The following DAB1 variants were observed in gnomAD, a reference collection of about 807,000 sequenced individuals.
The protein encoded by DAB1 is DAB adaptor protein 1.
In DAB1, 15 loss-of-function variants were observed where a neutral mutation model predicts 64.6. The ratio of observed to expected loss-of-function variants is 0.23; its 90% CI spans 0.16 to 0.36. The LOEUF (loss-of-function observed/expected upper bound fraction) is 0.36, where lower values mean the gene tolerates loss of function less well. Ranked by LOEUF, DAB1 falls within the 10% of genes least tolerant of loss-of-function variation. The pLI is 1.00. For synonymous variants in DAB1, 235 were observed against 251.9 expected, an observed-to-expected ratio of 0.93 and a Z score of 0.64; for missense variants, 596 against 706.7, an observed-to-expected ratio of 0.84 and a Z score of 1.78.
intron 1 of DAB1, among the ~76,000 whole-genome samples, chr1:57,386,386 A>AAGAAAG (rs548332875): frequency 6.9e-6 from 1 of 144,258 alleles, no homozygotes; most frequent in African/African-American, 2.6e-5. Flanking sequence ...AAAAAAAAAA[A>AAGAAAG]ACCCGTCTTT....
At chr1:58,148,727 G>A (rs1156919441) in intron 5 of DAB1, among the ~76,000 whole-genome samples, 2 of 151,908 alleles carry the variant, frequency 1.3e-5, no homozygotes, top group Non-Finnish European at 1.5e-5. Context: ...TAAAACCATC[G>A]GATCTCTCGA....
rs1219244295 is a variant in DAB1 at position 58,387,078 on chromosome 1, C to G, written n.258-43675G>C. 4.6e-5 allele frequency among the ~76,000 whole-genome samples: 7 copies of G among 151,882 alleles called. No individual in the cohort carries two copies. The South Asian group carries it at 1.5e-3, about 32-fold the overall frequency. On this transcript the variant is annotated intron_variant and non_coding_transcript_variant, in intron 3 of 20. Transcript: ENST00000485760. Reference sequence around the variant, plus strand: ...TCCATCTCAAAAAACAAAAACAAAACAAAAAAACAAACAAACAAAAAAAGT... The same window carrying G: ...TCCATCTCAAAAAACAAAAACAAAAGAAAAAAACAAACAAACAAAAAAAGT...
At chr1:57,951,106 T>C (rs1312020827) in intron 5 of DAB1, among the ~76,000 whole-genome samples, 1 of 151,926 alleles carries the variant, frequency 6.6e-6, no homozygotes, top group Non-Finnish European at 1.5e-5. Context: ...TAACACATAA[T>C]TTATTAGACC....
chr1:57,803,266 G>C (rs1430012551), intron 6 of DAB1, among the ~76,000 whole-genome samples: 1 of 152,222 alleles, frequency 6.6e-6, no homozygotes, highest in Non-Finnish European at 1.5e-5. Context: ...AAGGAAAGTT[G>C]CCATAACCTA....
At chr1:57,426,876 T>TATATATATATATATATATA (rs1383757354), upstream of DAB1, among the ~76,000 whole-genome samples, 2,278 of 134,502 alleles carry the variant, frequency 0.017, 67 homozygotes, top group Non-Finnish European at 0.026. Context: ...ATATATATAT[T>TATATATATATATATATATA]TTTTTGAGAC....
intron 7 of DAB1, among the ~76,000 whole-genome samples, chr1:57,434,168 A>G (rs1685609682): frequency 6.6e-6 from 1 of 152,204 alleles, no homozygotes; most frequent in Non-Finnish European, 1.5e-5. Context: ...TAAAACATAT[A>G]TACACACATA....
intron 3 of DAB1, among the ~76,000 whole-genome samples, chr1:58,491,806 A>T (rs1462020696): frequency 6.6e-6 from 1 of 152,224 alleles, no homozygotes; most frequent in Non-Finnish European, 1.5e-5. Context: ...ACTCCCACAC[A>T]ATAATAATGG....
chr1:57,546,101 G>GCA (rs1299996134), intron 7 of DAB1, among the ~76,000 whole-genome samples: 26 of 151,372 alleles, frequency 1.7e-4, no homozygotes, highest in African/African-American at 5.8e-4. Context: ...GTGTGTGTGC[G>GCA]CGCACGTGTG....
chr1:57,760,827 A>G (rs1649053173), intron 6 of DAB1, among the ~76,000 whole-genome samples: 1 of 152,168 alleles, frequency 6.6e-6, no homozygotes. Context: ...ACAGGAAAGC[A>G]AGCCCAATTC....
chr1:58,384,663 C>A (rs1372603007), intron 3 of DAB1, among the ~76,000 whole-genome samples: 1 of 152,088 alleles, frequency 6.6e-6, no homozygotes, highest in Non-Finnish European at 1.5e-5. Context: ...AGTCCAAGTC[C>A]CAAAACCTCA....
At chr1:57,598,281 C>G (rs897691169) in intron 7 of DAB1, among the ~76,000 whole-genome samples, 4 of 152,260 alleles carry the variant, frequency 2.6e-5, no homozygotes, top group Non-Finnish European at 4.4e-5. Context: ...GGCGCCCAGC[C>G]GGTATCCACA....
At chr1:57,537,979 C>T (rs1644750552) in intron 7 of DAB1, among the ~76,000 whole-genome samples, 1 of 152,036 alleles carries the variant, frequency 6.6e-6, no homozygotes, top group Non-Finnish European at 1.5e-5. Flanking sequence ...AACCAGCTCT[C>T]ATTGGAACTA....
At chr1:57,449,214 G>A (rs560217824) in intron 7 of DAB1, among the ~76,000 whole-genome samples, 15 of 152,198 alleles carry the variant, frequency 9.9e-5, no homozygotes, top group East Asian at 3.9e-4. Flanking sequence ...AACATGAAAC[G>A]TAAGTCAAGG....
chr1:57,150,490 C>A (rs778180020), intron 2 of DAB1, among the ~76,000 whole-genome samples: 12 of 152,296 alleles, frequency 7.9e-5, no homozygotes, highest in African/African-American at 2.4e-4. Flanking sequence ...TCCAGTGGTA[C>A]ATGGGTGAGC....
At chr1:57,944,169 C>T (rs1474677930) in intron 5 of DAB1, among the ~76,000 whole-genome samples, 1 of 152,268 alleles carries the variant, frequency 6.6e-6, no homozygotes, top group Middle Eastern at 3.4e-3. Flanking sequence ...CCACAGCCAT[C>T]CCACATACTC....
At chr1:57,519,141 C>T (rs1644496574) in intron 7 of DAB1, among the ~76,000 whole-genome samples, 1 of 152,128 alleles carries the variant, frequency 6.6e-6, no homozygotes, top group Non-Finnish European at 1.5e-5. Flanking sequence ...ACTATTACTT[C>T]GAGTCTCAGC....
At chr1:58,334,603 CATTATATTAT>C (rs55941113) in intron 4 of DAB1, among the ~76,000 whole-genome samples, 1,504 of 140,844 alleles carry the variant, frequency 0.011, 20 homozygotes, top group African/African-American at 0.029. Flanking sequence ...TATTATATTA[CATTATATTAT>C]ATTATATTAT....
At chr1:57,419,074 G>C (rs1684707528) in intron 1 of DAB1, among the ~76,000 whole-genome samples, 1 of 152,158 alleles carries the variant, frequency 6.6e-6, no homozygotes, top group Non-Finnish European at 1.5e-5. Flanking sequence ...ACATACCAGA[G>C]GAGGGGTTTT....
intron 1 of DAB1, among the ~76,000 whole-genome samples, chr1:57,421,802 C>G (rs193302620): frequency 6.6e-6 from 1 of 150,984 alleles, no homozygotes; most frequent in Non-Finnish European, 1.5e-5. Flanking sequence ...TGATTAGGTG[C>G]CCTTCTCAAT....
Sources: gnomAD v4.1 joint callset for allele counts (sites outside exome capture counted in the v4.1 genomes callset) on GRCh38, gnomAD v4.1.1 for gene constraint, MANE v1.5 for transcripts, NCBI Gene and HGNC (gene_info 2026-07-23, HGNC 2026-07-21) for gene names.